The following OR5AK2 variants were observed in gnomAD, a reference collection of about 807,000 sequenced individuals.
OR5AK2 encodes olfactory receptor 5AK2.
For synonymous variants in OR5AK2, 176 were observed against 128.2 expected, an observed-to-expected ratio of 1.37 and a Z score of -2.52; for missense variants, 438 against 366.3, an observed-to-expected ratio of 1.20 and a Z score of -1.60.
chr11:56,989,590 T>A lies in OR5AK2; in HGVS notation c.677T>A (p.Leu226Gln). Residue 226 changes from leucine to glutamine, a missense_variant, in exon 1 of 1, where the codon CTG becomes CAG. Physicochemically the swap from Leu to Gln is moderately radical, Grantham distance 113. Coordinates refer to ENST00000326855, the MANE Select transcript of OR5AK2 (RefSeq NM_001005323.1). ...FSYIYIMATI[L>Q]KMSSSAGRKK... ...TACATCTACATCATGGCCACCATCC[T>A]GAAAATGTCTTCTAGTGCAGGAAGG... is the stretch of plus-strand genomic sequence containing the variant. 1 of 1,614,168 alleles carries A rather than the reference T, an allele frequency of 6.2e-7. No homozygotes were observed.
In OR5AK2 at chr11:56,989,326, G is replaced by A. The variant is rs757906890; in HGVS notation, c.413G>A (p.Arg138Gln). The A allele has an allele frequency of 5.1e-5, 82 of 1,614,000 alleles. No individual in the cohort carries two copies. Among genetic ancestry groups the A allele is most frequent in the Admixed American group, 1.5e-4 (9 of 60,004 alleles). The change falls in exon 1 of 1, where the codon CGA (arginine) becomes CAA (glutamine). Residue 138 changes from arginine to glutamine, a missense_variant. Arg to Gln is a conservative substitution (Grantham distance 43, BLOSUM62 1). Coordinates refer to ENST00000326855, the MANE Select transcript of OR5AK2 (RefSeq NM_001005323.1). ...CTTCACTATACTGTAATCATGTCCC[G>A]AACAGTCTGCATCCGTTTGGTAGCT... The part of the protein sequence containing the change: ...KPLHYTVIMS[R>Q]TVCIRLVAGS...
chr11:56,989,238 A>T lies in OR5AK2; in HGVS notation c.325A>T (p.Thr109Ser). The change falls in exon 1 of 1, where the codon ACC becomes TCC. Residue 109 changes from threonine to serine, a missense_variant. Thr to Ser is a moderately conservative substitution (Grantham distance 58). Transcript: ENST00000326855. ...ATTCTTAGTTTATGCAACATTTGCAACCAGTGACTGTTATCTCCTGGCTAT... is the reference window on the plus strand; with the variant it reads ...ATTCTTAGTTTATGCAACATTTGCATCCAGTGACTGTTATCTCCTGGCTAT... ...IQFLVYATFATSDCYLLAMMA... is the reference protein window; with the variant it reads ...IQFLVYATFASSDCYLLAMMA... 1 of 1,614,038 alleles carries T rather than the reference A, an allele frequency of 6.2e-7. No homozygotes were observed. The highest frequency in any genetic ancestry group is 2.2e-5 in the East Asian group (1 of 44,884).
chr11:56,989,254 T>C lies in OR5AK2; in HGVS notation c.341T>C (p.Leu114Pro). Residue 114 changes from leucine to proline, a missense_variant, in exon 1 of 1, where the codon CTC (leucine) becomes CCC (proline). By Grantham distance (98) the Leu-to-Pro change is moderately conservative. Coordinates refer to ENST00000326855, the MANE Select transcript of OR5AK2 (RefSeq NM_001005323.1). ...YATFATSDCY[L>P]LAMMAVDPYV... ...ACATTTGCAACCAGTGACTGTTATC[T>C]CCTGGCTATGATGGCAGTGGATCCT... is the stretch of plus-strand genomic sequence containing the variant. The C allele has an allele frequency of 6.2e-7, 1 of 1,614,008 alleles. No individual in the cohort carries two copies. Among genetic ancestry groups the C allele is most frequent in the South Asian group, 1.1e-5 (1 of 91,074 alleles).
Position 56,988,944 on chromosome 11 carries a change from G to A in OR5AK2, c.31G>A (p.Glu11Lys), listed in dbSNP as rs1260821215. The A allele has an allele frequency of 6.2e-7, 1 of 1,611,560 alleles. No homozygotes were observed. Among genetic ancestry groups the A allele is most frequent in the South Asian group, 1.1e-5 (1 of 90,600 alleles). ...ACTAGGAAACAGCACTGAAGTCACT[G>A]AATTCTATCTTCTGGGATTTGGTGC... MTLGNSTEVTEFYLLGFGAQH... is the reference protein window; with the variant it reads MTLGNSTEVTKFYLLGFGAQH... The change falls in exon 1 of 1, where the codon GAA (glutamate) becomes AAA (lysine). Residue 11 changes from glutamate (E) to lysine (K), a missense_variant. By Grantham distance (56) the Glu-to-Lys change is moderately conservative (BLOSUM62 1). Transcript: ENST00000326855.
Position 56,989,256 on chromosome 11 carries a change from C to T in OR5AK2, c.343C>T (p.Leu115=). The change falls in exon 1 of 1, where the codon CTG becomes TTG. Residue 115 remains leucine, a synonymous_variant. Transcript: ENST00000326855. ...ATFATSDCYL[L]AMMAVDPYVA... is the part of the protein sequence containing the mutation. ...ATTTGCAACCAGTGACTGTTATCTCCTGGCTATGATGGCAGTGGATCCTTA... is the reference window on the plus strand; with the variant it reads ...ATTTGCAACCAGTGACTGTTATCTCTTGGCTATGATGGCAGTGGATCCTTA... 1 of 1,614,066 alleles carries T rather than the reference C, an allele frequency of 6.2e-7. No individual in the cohort carries two copies. Among genetic ancestry groups the T allele is most frequent in the South Asian group, 1.1e-5 (1 of 91,076 alleles).
rs369702520 is a variant in OR5AK2, at chr11:56,989,178, A to C, written c.265A>C (p.Lys89Gln). The C allele has an allele frequency of 2.2e-5, 35 of 1,614,022 alleles. No homozygotes were observed. The highest frequency in any genetic ancestry group is 2.5e-5 in the Non-Finnish European group (29 of 1,179,988). The change falls in exon 1 of 1, where the codon AAG (lysine) becomes CAG (glutamine). Residue 89 changes from lysine to glutamine, a missense_variant. Coordinates refer to ENST00000326855, the MANE Select transcript of OR5AK2 (RefSeq NM_001005323.1). ...PKMLQSFTEE[K>Q]NLMLFQGCVI... ...GATGCTCCAAAGCTTCACAGAAGAA[A>C]AGAATTTGATGTTATTTCAGGGCTG...
rs771966519 is a variant in OR5AK2, at chr11:56,989,373, A to T, written c.460A>T (p.Ile154Leu). The T allele has an allele frequency of 1.5e-5, 25 of 1,614,030 alleles. No individual in the cohort carries two copies. The East Asian group carries it at 5.6e-4, about 36-fold the overall frequency. Residue 154 changes from isoleucine (I) to leucine (L), a missense_variant, in exon 1 of 1, where the codon ATA (isoleucine) becomes TTA (leucine). Coordinates refer to ENST00000326855, the MANE Select transcript of OR5AK2 (RefSeq NM_001005323.1). The part of the protein sequence containing the change: ...LVAGSYIMGS[I>L]NASVQTGFTC... ...AGCTGGTTCATACATCATGGGCTCA[A>T]TAAATGCCTCTGTACAAACAGGTTT...
In OR5AK2 at chr11:56,989,024, C is replaced by A. The variant is rs1565131954; in HGVS notation, c.111C>A (p.Thr37=). ...LFIVFLLIYV[T]SIMGNSGIIL... is the part of the protein sequence containing the mutation. ...TTGTATTCCTTCTCATCTATGTGAC[C>A]TCCATAATGGGTAATAGTGGAATAA... The change falls in exon 1 of 1, where the codon ACC becomes ACA. Residue 37 remains threonine (T), a synonymous_variant. Transcript: ENST00000326855. The A allele has an allele frequency of 6.2e-7, 1 of 1,612,504 alleles. No individual in the cohort carries two copies. Among genetic ancestry groups the A allele is most frequent in the East Asian group, 2.2e-5 (1 of 44,844 alleles).
Position 56,989,520 on chromosome 11 carries a change from G to A in OR5AK2, c.607G>A (p.Val203Met), listed in dbSNP as rs1254042196. ...DINIMLLVVF[V>M]GSNLIFTGLV... ...CAACATCATGCTACTTGTTGTCTTT[G>A]TGGGATCTAACTTGATATTCACTGG... The change falls in exon 1 of 1, where the codon GTG becomes ATG. Residue 203 changes from valine (V) to methionine (M), a missense_variant. Physicochemically the swap from Val to Met is conservative, Grantham distance 21 (BLOSUM62 1). Coordinates refer to ENST00000326855, the MANE Select transcript of OR5AK2 (RefSeq NM_001005323.1). The A allele has an allele frequency of 1.2e-6, 2 of 1,614,068 alleles. No homozygotes were observed. Among genetic ancestry groups the A allele is most frequent in the Non-Finnish European group, 8.5e-7 (1 of 1,179,974 alleles).
rs1435335020 is a variant in OR5AK2, at chr11:56,989,657, C to T, written c.744C>T (p.Val248=). ...CATGTGCTTCCCACCTGACCGCAGT[C>T]ACCATTTTCTATGGGACACTCTCTT... is the stretch of plus-strand genomic sequence containing the variant. The part of the protein sequence containing the change: ...FSTCASHLTA[V]TIFYGTLSYM... Residue 248 remains valine, a synonymous_variant, in exon 1 of 1, where the codon GTC becomes GTT. Transcript: ENST00000326855. 5.6e-6 allele frequency: 9 copies of T among 1,613,916 alleles called. No individual in the cohort carries two copies. Among genetic ancestry groups the T allele is most frequent in the South Asian group, 1.1e-5 (1 of 91,066 alleles).
chr11:56,989,512 TTG>T lies in OR5AK2; in HGVS notation c.601_602del (p.Val201LeufsTer5), dbSNP rs1565132286. On this transcript the variant is annotated frameshift_variant, in exon 1 of 1. Transcript: ENST00000326855. LOFTEE classifies it low-confidence loss of function (END_TRUNC). ...GTTGACATCAACATCATGCTACTTG[TTG>T]TCTTTGTGGGATCTAACTTGATATT... is the stretch of plus-strand genomic sequence containing the variant. 1 of 1,614,138 alleles carries T rather than the reference TTG, an allele frequency of 6.2e-7. No homozygotes were observed. Among genetic ancestry groups the T allele is most frequent in the Non-Finnish European group, 8.5e-7 (1 of 1,179,958 alleles).
In OR5AK2 at chr11:56,989,527, C is replaced by G; in HGVS notation, c.614C>G (p.Ser205Cys). 6.2e-7 allele frequency: 1 copy of G among 1,614,146 alleles called. No homozygotes were observed. The highest frequency in any genetic ancestry group is 8.5e-7 in the Non-Finnish European group (1 of 1,179,986). Residue 205 changes from serine (S) to cysteine (C), a missense_variant, in exon 1 of 1, where the codon TCT (serine) becomes TGT (cysteine). Coordinates refer to ENST00000326855, the MANE Select transcript of OR5AK2 (RefSeq NM_001005323.1). ...ATGCTACTTGTTGTCTTTGTGGGAT[C>G]TAACTTGATATTCACTGGGTTGGTC... ...NIMLLVVFVG[S>C]NLIFTGLVVI...
At position 56,989,824 on chromosome 11, in the gene OR5AK2, T is replaced by C. The variant is rs1361767011; in HGVS notation, c.911T>C (p.Ile304Thr). ...GAAGTAAAAGAAGCTTTAAAAGTGA[T>C]AGGGAAAAAGTTATTTTAAATCAGC... is the stretch of plus-strand genomic sequence containing the variant. ...NKEVKEALKVIGKKLF is the reference protein window; with the variant it reads ...NKEVKEALKVTGKKLF Residue 304 changes from isoleucine to threonine, a missense_variant, in exon 1 of 1, where the codon ATA becomes ACA. Coordinates refer to ENST00000326855, the MANE Select transcript of OR5AK2 (RefSeq NM_001005323.1). 1.9e-6 allele frequency: 3 copies of C among 1,585,970 alleles called. No individual in the cohort carries two copies. The highest frequency in any genetic ancestry group is 2.7e-5 in the African/African-American group (2 of 73,660).
At position 56,988,954 on chromosome 11, in the gene OR5AK2, T is replaced by C; in HGVS notation, c.41T>C (p.Leu14Pro). 1 of 1,612,984 alleles carries C rather than the reference T, an allele frequency of 6.2e-7. No homozygotes were observed. The highest frequency in any genetic ancestry group is 8.5e-7 in the Non-Finnish European group (1 of 1,179,446). ...AGCACTGAAGTCACTGAATTCTATC[T>C]TCTGGGATTTGGTGCCCAGCATGAG... is the stretch of plus-strand genomic sequence containing the variant. Reference protein sequence around the residue: ...GNSTEVTEFYLLGFGAQHEFW... With the variant: ...GNSTEVTEFYPLGFGAQHEFW... Residue 14 changes from leucine (L) to proline (P), a missense_variant, in exon 1 of 1, where the codon CTT (leucine) becomes CCT (proline). Physicochemically the swap from Leu to Pro is moderately conservative, Grantham distance 98 (BLOSUM62 -3). Coordinates refer to ENST00000326855, the MANE Select transcript of OR5AK2 (RefSeq NM_001005323.1).
rs751715116 is a variant in OR5AK2 at position 56,989,688 on chromosome 11, T to G, written c.775T>G (p.Tyr259Asp). ...TTTCTATGGGACACTCTCTTACATG[T>G]ATTTGCAGTCTCATTCTAATAATTC... ...TIFYGTLSYM[Y>D]LQSHSNNSQE... is the part of the protein sequence containing the mutation. Residue 259 changes from tyrosine to aspartate, a missense_variant, in exon 1 of 1, where the codon TAT (tyrosine) becomes GAT (aspartate). Transcript: ENST00000326855. The G allele has an allele frequency of 6.2e-7, 1 of 1,614,068 alleles. No individual in the cohort carries two copies. The highest frequency in any genetic ancestry group is 1.1e-5 in the South Asian group (1 of 91,080).
rs1861649477 is a variant in OR5AK2 at position 56,989,403 on chromosome 11, T to C, written c.490T>C (p.Cys164Arg). The C allele has an allele frequency of 1.9e-6, 3 of 1,614,188 alleles. No homozygotes were observed. The highest frequency in any genetic ancestry group is 2.5e-6 in the Non-Finnish European group (3 of 1,179,998). The change falls in exon 1 of 1, where the codon TGT becomes CGT. Residue 164 changes from cysteine (C) to arginine (R), a missense_variant. By Grantham distance (180) the Cys-to-Arg change is radical. Coordinates refer to ENST00000326855, the MANE Select transcript of OR5AK2 (RefSeq NM_001005323.1). ...INASVQTGFTCSLSFCKSNSI... is the reference protein window; with the variant it reads ...INASVQTGFTRSLSFCKSNSI... ...TGCCTCTGTACAAACAGGTTTTACA[T>C]GTTCACTGTCCTTCTGCAAGTCCAA...
At position 56,989,683 on chromosome 11, in the gene OR5AK2, A is replaced by T; in HGVS notation, c.770A>T (p.Tyr257Phe). 1 of 1,614,038 alleles carries T rather than the reference A, an allele frequency of 6.2e-7. No individual in the cohort carries two copies. Among genetic ancestry groups the T allele is most frequent in the Non-Finnish European group, 8.5e-7 (1 of 1,179,930 alleles). ...AVTIFYGTLS[Y>F]MYLQSHSNNS... Reference sequence around the variant, plus strand: ...ACCATTTTCTATGGGACACTCTCTTACATGTATTTGCAGTCTCATTCTAAT... The same window carrying T: ...ACCATTTTCTATGGGACACTCTCTTTCATGTATTTGCAGTCTCATTCTAAT... Residue 257 changes from tyrosine to phenylalanine, a missense_variant, in exon 1 of 1, where the codon TAC (tyrosine) becomes TTC (phenylalanine). Tyr to Phe is a conservative substitution (Grantham distance 22). Coordinates refer to ENST00000326855, the MANE Select transcript of OR5AK2 (RefSeq NM_001005323.1).
Position 56,989,074 on chromosome 11 carries a change from G to A in OR5AK2, c.161G>A (p.Arg54Lys). The change falls in exon 1 of 1, where the codon AGA becomes AAA. Residue 54 changes from arginine (R) to lysine (K), a missense_variant. Arg to Lys is a conservative substitution (Grantham distance 26, BLOSUM62 2). Transcript: ENST00000326855. ...GIILLINTDS[R>K]FQTLTYFFLQ... ...ATCTTACTCATCAACACAGATTCCA[G>A]ATTTCAAACACTCACGTACTTTTTT... 1 of 1,614,050 alleles carries A rather than the reference G, an allele frequency of 6.2e-7. No homozygotes were observed. The highest frequency in any genetic ancestry group is 1.7e-5 in the Admixed American group (1 of 60,010).
At position 56,989,171 on chromosome 11, in the gene OR5AK2, A is replaced by G. The variant is rs369895575; in HGVS notation, c.258A>G (p.Thr86=). 41 of 1,613,964 alleles carry G rather than the reference A, an allele frequency of 2.5e-5. No homozygotes were observed. The highest frequency in any genetic ancestry group is 2.2e-4 in the Admixed American group (13 of 59,988). The part of the protein sequence containing the change: ...AITPKMLQSF[T]EEKNLMLFQG... ...CTCCCAAGATGCTCCAAAGCTTCAC[A>G]GAAGAAAAGAATTTGATGTTATTTC... The change falls in exon 1 of 1, where the codon ACA becomes ACG. Residue 86 remains threonine (T), a synonymous_variant. Coordinates refer to ENST00000326855, the MANE Select transcript of OR5AK2 (RefSeq NM_001005323.1).
Sources: allele counts gnomAD v4.1 joint callset, GRCh38; gene constraint gnomAD v4.1.1; transcripts MANE v1.5; gene names NCBI Gene and HGNC (gene_info 2026-07-23, HGNC 2026-07-21).